The following PROM1 variants were observed in gnomAD, a reference collection of about 807,000 sequenced individuals.
The protein encoded by PROM1 is prominin 1, also known as prominin-1.
PROM1 carries 105 observed loss-of-function variants against 116.9 expected under a neutral mutation model. The ratio of observed to expected loss-of-function variants is 0.90; its 90% CI spans 0.77 to 1.06. PROM1 has a LOEUF of 1.06. Among genes scored for constraint, PROM1 ranks in the 50% least tolerant of loss-of-function variants. The probability of loss-of-function intolerance (pLI) is 0.00; values close to 1 mark genes in which losing one functional copy is unlikely to be tolerated. For missense variants in PROM1, 1,122 were observed against 1,045.2 expected (o/e 1.07, Z -1.01); for synonymous variants, 393 against 387.0 (o/e 1.02, Z -0.18).
In PROM1 at chr4:16,076,074, C is replaced by A; in HGVS notation, c.-168G>T. The A allele has an allele frequency of 7.4e-7, 1 of 1,351,202 alleles. No homozygotes were observed. Among genetic ancestry groups the A allele is most frequent in the Non-Finnish European group, 9.7e-7 (1 of 1,027,594 alleles). 83.7% of individuals were successfully genotyped at this position (1,351,202 alleles called of 1,614,324 possible). ...TGAGGCTGGCTTGAGGCGAGGGATG[C>A]GGAAGAATGTTCTCCAAGGGGGTCA... On this transcript the variant is annotated 5_prime_UTR_variant, in exon 2 of 28. Transcript: ENST00000447510.
At chr4:16,073,911 T>C (rs1333032569) in intron 2 of PROM1, among the ~76,000 whole-genome samples, 1 of 152,060 alleles carries the variant, frequency 6.6e-6, no homozygotes, top group Non-Finnish European at 1.5e-5. Context: ...AACCTTCCAA[T>C]CAAATCTAAA....
rs185872754 is a variant in PROM1 at position 15,998,365 on chromosome 4, T to C, written c.1682+20A>G. The C allele has an allele frequency of 2.4e-5, 37 of 1,567,542 alleles. No homozygotes were observed. Among genetic ancestry groups the C allele is most frequent in the Non-Finnish European group, 3.2e-5 (37 of 1,161,036 alleles). ...AAAGAACATCTTAAATAGCGAAATG[T>C]ATAATGCAAATATTGATACCTGTAA... On this transcript the variant is annotated intron_variant, in intron 15 of 27. Coordinates refer to ENST00000447510, the MANE Select transcript of PROM1 (RefSeq NM_006017.3).
chr4:15,980,336 C>A (rs1450856040), intron 24 of PROM1, 86 bp downstream of exon 24: 3 of 872,682 alleles, frequency 3.4e-6, no homozygotes, highest in African/African-American at 1.7e-5. Flanking sequence ...CAACTTTAAC[C>A]TCATCAGAAC....
intron 1 of PROM1, among the ~76,000 whole-genome samples, chr4:16,081,672 T>C (rs1401377714): frequency 6.6e-6 from 1 of 152,220 alleles, no homozygotes; most frequent in Non-Finnish European, 1.5e-5. Flanking sequence ...ATCTTGACCC[T>C]TAACAAATCT....
At chr4:16,049,708 T>C (rs1479561949) in intron 2 of PROM1, among the ~76,000 whole-genome samples, 2 of 151,320 alleles carry the variant, frequency 1.3e-5, no homozygotes, top group East Asian at 3.9e-4. Context: ...GACTCTGATC[T>C]CCTTAAATTT....
intron 17 of PROM1, among the ~76,000 whole-genome samples, chr4:15,991,892 C>A (rs575808297): frequency 7.8e-6 from 1 of 127,702 alleles, no homozygotes; most frequent in African/African-American, 3.0e-5. Context: ...GCCGAGATTG[C>A]GCCACTGCAC....
rs542468148 is a variant in PROM1 at position 15,986,406 on chromosome 4, G to C, written c.2131-369C>G. ...ATACGACAATGCTGGGATTTGCACCGAACTTTTTTTTTTTTCACTACAAAA... is the reference window on the plus strand; with the variant it reads ...ATACGACAATGCTGGGATTTGCACCCAACTTTTTTTTTTTTCACTACAAAA... On this transcript the variant is annotated intron_variant, in intron 20 of 27. Transcript: ENST00000447510. Among the ~76,000 whole-genome samples the C allele has an allele frequency of 5.9e-5, 9 of 151,924 alleles. No individual in the cohort carries two copies. The South Asian group carries it at 1.9e-3, about 32-fold the overall frequency.
chr4:15,991,629 A>C (rs900003050), intron 17 of PROM1, among the ~76,000 whole-genome samples: 26 of 151,308 alleles, frequency 1.7e-4, no homozygotes, highest in Admixed American at 7.9e-4. Flanking sequence ...GACTAGGTAA[A>C]TCCATCTAAA....
intron 8 of PROM1, among the ~76,000 whole-genome samples, chr4:16,019,883 C>CAT (rs1232959687): frequency 6.6e-6 from 1 of 151,152 alleles, no homozygotes; most frequent in Non-Finnish European, 1.5e-5. Flanking sequence ...CACACACACA[C>CAT]ACACACACAC....
At chr4:15,981,464 C>T (rs1490285976) in intron 23 of PROM1, among the ~76,000 whole-genome samples, 2 of 151,284 alleles carry the variant, frequency 1.3e-5, no homozygotes, top group South Asian at 4.2e-4. Context: ...CCCAGCTACT[C>T]GGGAGGCTGA....
chr4:16,007,940 T>C (rs1308264165), intron 12 of PROM1, among the ~76,000 whole-genome samples: 1 of 152,112 alleles, frequency 6.6e-6, no homozygotes, highest in African/African-American at 2.4e-5. Flanking sequence ...ACCTCTGCCG[T>C]ATGCTAGCTG....
chr4:16,069,398 T>A (rs1460026991), intron 2 of PROM1, among the ~76,000 whole-genome samples: 1 of 152,216 alleles, frequency 6.6e-6, no homozygotes, highest in Non-Finnish European at 1.5e-5. Context: ...CACATAAAAT[T>A]GGAAGTGGCA....
chr4:16,071,197 C>A (rs569967476), intron 2 of PROM1, among the ~76,000 whole-genome samples: 48 of 152,308 alleles, frequency 3.2e-4, no homozygotes, highest in African/African-American at 1.1e-3. Context: ...TTGATGGGTT[C>A]TCTTCCCCAA....
chr4:16,054,495 A>C lies in PROM1; in HGVS notation c.221-15494T>G, dbSNP rs80314925. ...TCAAAAGGTGCCGGTTTAAATGACA[A>C]ATATATGGTCACCATAAATCAAGTG... On this transcript the variant is annotated intron_variant, in intron 2 of 27. Transcript: ENST00000447510. 8.9e-3 allele frequency among the ~76,000 whole-genome samples: 1,356 copies of C among 152,274 alleles called. 39 individuals are homozygous for C. The highest frequency in any genetic ancestry group is 0.069 in the East Asian group (359 of 5,180).
intron 15 of PROM1, among the ~76,000 whole-genome samples, chr4:15,994,509 G>C (rs1055053201): frequency 6.6e-6 from 1 of 152,052 alleles, no homozygotes; most frequent in South Asian, 2.1e-4. Flanking sequence ...AGGGCCGAGC[G>C]GCACTGACTA....
chr4:16,018,552 C>G lies in PROM1; in HGVS notation c.785-12G>C. 2 of 1,589,494 alleles carry G rather than the reference C, an allele frequency of 1.3e-6. No homozygotes were observed. The highest frequency in any genetic ancestry group is 8.6e-7 in the Non-Finnish European group (1 of 1,167,254). The stretch of plus-strand genomic sequence containing the variant: ...GGTCTCCTTGATCGCTATGGAAACA[C>G]AGCCCGCTTCAGAACACACATGCCA... On this transcript the variant is annotated splice_polypyrimidine_tract_variant and intron_variant, in intron 8 of 27. Transcript: ENST00000447510.
intron 9 of PROM1, among the ~76,000 whole-genome samples, chr4:16,016,464 C>T (rs967076798): frequency 1.3e-5 from 2 of 151,784 alleles, no homozygotes; most frequent in Non-Finnish European, 2.9e-5. Flanking sequence ...CTGTAACCAG[C>T]TAAAAAAAAG....
At chr4:16,068,663 T>C (rs2149546828) in intron 2 of PROM1, among the ~76,000 whole-genome samples, 1 of 152,336 alleles carries the variant, frequency 6.6e-6, no homozygotes, top group Middle Eastern at 3.4e-3. Context: ...AATTCTAGAA[T>C]TGCAAATATA....
chr4:15,979,822 A>G (rs1351139909), intron 25 of PROM1, 59 bp downstream of exon 25: 6 of 1,338,428 alleles, frequency 4.5e-6, no homozygotes, highest in Admixed American at 4.2e-5. Flanking sequence ...AGTCCATTAC[A>G]TAATAATATC....
Sources: allele counts gnomAD v4.1 joint callset (sites outside exome capture counted in the v4.1 genomes callset), GRCh38; gene constraint gnomAD v4.1.1; transcripts MANE v1.5; gene names NCBI Gene and HGNC (gene_info 2026-07-23, HGNC 2026-07-21).